The following PTPN6 variants were observed in gnomAD, a reference collection of about 807,000 sequenced individuals.
PTPN6 encodes protein tyrosine phosphatase non-receptor type 6.
Under a neutral mutation model 81.5 loss-of-function variants are expected in PTPN6, and 18 were observed. That is an observed-to-expected ratio of 0.22 (90% confidence interval 0.15 to 0.33). The LOEUF (loss-of-function observed/expected upper bound fraction) is 0.33. PTPN6 is among the 10% of genes least tolerant of loss of function. PTPN6 has a pLI of 1.00. For missense variants in PTPN6, 500 were observed against 794.2 expected (o/e 0.63, Z 4.45); for synonymous variants, 301 against 310.9 (o/e 0.97, Z 0.33).
In PTPN6 at chr12:6,960,354, G is replaced by T; in HGVS notation, c.1592G>T (p.Gly531Val). The T allele has an allele frequency of 6.2e-7, 1 of 1,613,432 alleles. No homozygotes were observed. The highest frequency in any genetic ancestry group is 1.1e-5 in the South Asian group (1 of 91,074). ...KKLEVLQSQK[G>V]QESEYGNITY... ...TCCCTCTGCCCACAGTCGCAGAAGG[G>T]CCAGGAGTCGGAGTACGGGAACATC... Residue 531 changes from glycine to valine, a missense_variant, in exon 14 of 16, where the codon GGC (glycine) becomes GTC (valine). This residue lies in a region of PTPN6 where 226 missense variants were observed against 364.4 expected (regional missense o/e 0.62). Coordinates refer to ENST00000318974, the MANE Select transcript of PTPN6 (RefSeq NM_002831.6). The surrounding 1 kb of genome is among the most constrained non-coding windows in gnomAD (Gnocchi z 6.1).
Position 6,951,826 on chromosome 12 carries a change from G to A in PTPN6, c.131+95G>A. 1 of 1,593,488 alleles carries A rather than the reference G, an allele frequency of 6.3e-7. No homozygotes were observed. The highest frequency in any genetic ancestry group is 2.1e-4 in the Middle Eastern group (1 of 4,842). On this transcript the variant is annotated intron_variant, in intron 2 of 15. Transcript: ENST00000318974. This position sits in a 1 kb window ranked among gnomAD's most constrained non-coding sequence, Gnocchi z 7.2. ...ATTCCTGGTTCCCCGTGGCAGTGCT[G>A]ACTCCCCGTCTGTTCCCTTGCCCCC...
In PTPN6 at chr12:6,961,307, G is replaced by GA. The variant is rs1426457963; in HGVS notation, c.*208dup. On this transcript the variant is annotated 3_prime_UTR_variant, in exon 16 of 16. Coordinates refer to ENST00000318974, the MANE Select transcript of PTPN6 (RefSeq NM_002831.6). The stretch of plus-strand genomic sequence containing the variant: ...TCTCCTCTTGTAAATAAAGCCCTGG[G>GA]ATCACTGTGTGTCGCCTCTGAGCCC... 2 of 305,634 alleles carry GA rather than the reference G, an allele frequency of 6.5e-6. No individual in the cohort carries two copies. The highest frequency in any genetic ancestry group is 4.3e-5 in the African/African-American group (2 of 46,432). The allele number at this position is 305,634 out of a possible 1,614,324, so 18.9% of individuals were successfully genotyped here. A position where few individuals can be genotyped will look rare whatever the true frequency, so the allele number is the denominator to read the frequency against.
upstream of PTPN6, among the ~76,000 whole-genome samples, chr12:6,948,119 C>CT (rs782163142): frequency 1.3e-5 from 2 of 151,572 alleles, no homozygotes; most frequent in Non-Finnish European, 2.9e-5. Context: ...GACCCCATCT[C>CT]TATTAAAAAA....
chr12:6,953,998 A>G (rs1430139983), intron 3 of PTPN6, among the ~76,000 whole-genome samples: 30 of 152,012 alleles, frequency 2.0e-4, no homozygotes, highest in Admixed American at 2.0e-3. Flanking sequence ...TGTTTTTTCC[A>G]TCACGTGGTT....
chr12:6,960,357 A>G lies in PTPN6; in HGVS notation c.1595A>G (p.Gln532Arg). 6.2e-7 allele frequency: 1 copy of G among 1,613,272 alleles called. No homozygotes were observed. Among genetic ancestry groups the G allele is most frequent in the East Asian group, 2.2e-5 (1 of 44,846 alleles). Residue 532 changes from glutamine (Q) to arginine (R), a missense_variant, in exon 14 of 16, where the codon CAG becomes CGG. Gln to Arg is a conservative substitution (Grantham distance 43). Around this residue, in one of 6 missense-constraint regions of PTPN6, gnomAD observed 226 missense variants for 364.4 expected, o/e 0.62. Transcript: ENST00000318974. The surrounding 1 kb of genome is among the most constrained non-coding windows in gnomAD (Gnocchi z 6.1). ...CTCTGCCCACAGTCGCAGAAGGGCC[A>G]GGAGTCGGAGTACGGGAACATCACC... ...KLEVLQSQKG[Q>R]ESEYGNITYP...
upstream of PTPN6, among the ~76,000 whole-genome samples, chr12:6,950,990 C>G (rs1035763994): frequency 3.3e-5 from 5 of 152,218 alleles, no homozygotes; most frequent in Non-Finnish European, 7.3e-5. Context: ...AGGACTCACT[C>G]GATGACAGTT....
Position 6,955,897 on chromosome 12 carries a change from G to C in PTPN6, c.844+141G>C. ...ACAGAGCCTCCCCCTTCTCCAAAAG[G>C]CCTCTACTCCTCCCAGAAGTGCCTC... On this transcript the variant is annotated intron_variant, in intron 7 of 15. Transcript: ENST00000318974. This position sits in a 1 kb window ranked among gnomAD's most constrained non-coding sequence, Gnocchi z 7.2. 1 of 889,268 alleles carries C rather than the reference G, an allele frequency of 1.1e-6. No homozygotes were observed. Among genetic ancestry groups the C allele is most frequent in the South Asian group, 1.4e-5 (1 of 70,094 alleles). 55.1% of individuals were successfully genotyped at this position (889,268 alleles called of 1,614,324 possible).
At chr12:6,958,311 A>G (rs985444776) in intron 11 of PTPN6, among the ~76,000 whole-genome samples, 27 of 152,222 alleles carry the variant, frequency 1.8e-4, no homozygotes, top group East Asian at 9.7e-4. Context: ...CGGATGTACC[A>G]TCTCGCCCAA....
chr12:6,957,306 TC>T lies in PTPN6; in HGVS notation c.1075-343del, dbSNP rs1565583349. Among the ~76,000 whole-genome samples, 1 of 152,152 alleles carries T rather than the reference TC, an allele frequency of 6.6e-6. No individual in the cohort carries two copies. The highest frequency in any genetic ancestry group is 2.4e-5 in the African/African-American group (1 of 41,422). On this transcript the variant is annotated intron_variant, in intron 9 of 15. Transcript: ENST00000318974. This position sits in a 1 kb window ranked among gnomAD's most constrained non-coding sequence, Gnocchi z 6.5. ...CAGCCACGCTCCTCAGCGCGGTGTC[TC>T]CCCCGGTCACCTGTCTCTGTGAGCT...
At position 6,960,531 on chromosome 12, in the gene PTPN6, G is replaced by A. The variant is rs369889610; in HGVS notation, c.1673+96G>A. 111 of 1,458,502 alleles carry A rather than the reference G, an allele frequency of 7.6e-5. 1 individual carries two copies. The South Asian group carries it at 1.0e-3, about 14-fold the overall frequency. The allele number at this position is 1,458,502 out of a possible 1,614,324, so 90.3% of individuals were successfully genotyped here. A position where few individuals can be genotyped will look rare whatever the true frequency, so the allele number is the denominator to read the frequency against. On this transcript the variant is annotated intron_variant, in intron 14 of 15. Transcript: ENST00000318974. The surrounding 1 kb of genome is among the most constrained non-coding windows in gnomAD (Gnocchi z 6.1). ...GAGAGGACAAGTGTTGCAGCTGGGG[G>A]GACCTGGCTTCAAGTTCAGGCTTGG...
Position 6,954,904 on chromosome 12 carries a change from T to G in PTPN6, c.426T>G (p.Pro142=). Residue 142 remains proline, a synonymous_variant, in exon 4 of 16, where the codon CCT becomes CCG. Transcript: ENST00000318974. The surrounding 1 kb of genome is among the most constrained non-coding windows in gnomAD (Gnocchi z 5.4). ...TFLVRESLSQ[P]GDFVLSVLSD... is the part of the protein sequence containing the mutation. ...TTGTGCGTGAGAGCCTCAGCCAGCCTGGAGACTTCGTGCTTTCTGTGCTCA... is the reference window on the plus strand; with the variant it reads ...TTGTGCGTGAGAGCCTCAGCCAGCCGGGAGACTTCGTGCTTTCTGTGCTCA... 6.2e-7 allele frequency: 1 copy of G among 1,614,222 alleles called. No individual in the cohort carries two copies. Among genetic ancestry groups the G allele is most frequent in the Admixed American group, 1.7e-5 (1 of 60,028 alleles).
At position 6,952,331 on chromosome 12, in the gene PTPN6, T is replaced by A; in HGVS notation, c.326+154T>A. On this transcript the variant is annotated intron_variant, in intron 3 of 15. Transcript: ENST00000318974. The surrounding 1 kb of genome is among the most constrained non-coding windows in gnomAD (Gnocchi z 8.1). ...TGGGGCTCTCAATGTCCCTCCTCCC[T>A]GCTGTCCTGGGACCTGGTGTCTCAG... is the stretch of plus-strand genomic sequence containing the variant. 1.2e-6 allele frequency: 1 copy of A among 862,754 alleles called. No individual in the cohort carries two copies. Among genetic ancestry groups the A allele is most frequent in the Non-Finnish European group, 1.8e-6 (1 of 544,450 alleles). 53.4% of individuals were successfully genotyped at this position (862,754 alleles called of 1,614,324 possible).
In PTPN6 at chr12:6,951,539, C is replaced by G. The variant is rs782087979; in HGVS notation, c.8+19C>G. The stretch of plus-strand genomic sequence containing the variant: ...TGGTGAGGTAAGGGCCTGCCACCCA[C>G]GGTAGACAGGAGGCAAGGGTGCCTG... On this transcript the variant is annotated intron_variant, in intron 1 of 15. Coordinates refer to ENST00000318974, the MANE Select transcript of PTPN6 (RefSeq NM_002831.6). This position sits in a 1 kb window ranked among gnomAD's most constrained non-coding sequence, Gnocchi z 7.2. The G allele has an allele frequency of 6.2e-7, 1 of 1,614,004 alleles. No homozygotes were observed. Among genetic ancestry groups the G allele is most frequent in the East Asian group, 2.2e-5 (1 of 44,874 alleles).
At position 6,957,800 on chromosome 12, in the gene PTPN6, C is replaced by G. The variant is rs782338490; in HGVS notation, c.1206+15C>G. 1 of 1,614,132 alleles carries G rather than the reference C, an allele frequency of 6.2e-7. No individual in the cohort carries two copies. On this transcript the variant is annotated intron_variant, in intron 10 of 15. Coordinates refer to ENST00000318974, the MANE Select transcript of PTPN6 (RefSeq NM_002831.6). The surrounding 1 kb of genome is among the most constrained non-coding windows in gnomAD (Gnocchi z 6.5). ...CGCTGGACAATGTGAGTGGCCCCCA[C>G]GCCCTGCCCCATTCCGGGAGTCCCT...
upstream of PTPN6, among the ~76,000 whole-genome samples, chr12:6,948,025 T>C (rs1370574829): frequency 3.3e-5 from 5 of 151,698 alleles, no homozygotes; most frequent in East Asian, 7.8e-4. Context: ...GTGGCGCACG[T>C]CTGTGATCCC....
In PTPN6 at chr12:6,960,824, T is replaced by G. The variant is rs1555149814; in HGVS notation, c.1692T>G (p.Tyr564Ter). Residue 564 changes from tyrosine (Y) to a stop codon, truncating the protein, a stop_gained, in exon 15 of 16, where the codon TAT (tyrosine) becomes TAG (stop). Transcript: ENST00000318974. LOFTEE classifies it high-confidence loss of function. The surrounding 1 kb of genome is among the most constrained non-coding windows in gnomAD (Gnocchi z 6.1). ...RTSSKHKEDV[Y>*]ENLHTKNKRE... ...GCTGCAGACACAAGGAGGATGTGTA[T>G]GAGAACCTGCACACTAAGAACAAGA... is the stretch of plus-strand genomic sequence containing the variant. 1 of 1,569,836 alleles carries G rather than the reference T, an allele frequency of 6.4e-7. No individual in the cohort carries two copies. Among genetic ancestry groups the G allele is most frequent in the Admixed American group, 1.9e-5 (1 of 53,228 alleles).
chr12:6,958,394 G>A (rs1946070848), intron 11 of PTPN6, among the ~76,000 whole-genome samples: 1 of 152,262 alleles, frequency 6.6e-6, no homozygotes, highest in South Asian at 2.1e-4. Flanking sequence ...GCAAGGCCGG[G>A]CAGGCACCCA....
At chr12:6,951,225 TCCCCACCCCCAGTGCC>T, upstream of PTPN6, 1 of 1,420,146 alleles carries the variant, frequency 7.0e-7, no homozygotes, top group African/African-American at 1.4e-5. This position sits in a 1 kb window ranked among gnomAD's most constrained non-coding sequence, Gnocchi z 7.2. Context: ...GTGGGCCCCG[TCCCCACCCCCAGTGCC>T]ACCCTGCTCT....
Position 6,956,396 on chromosome 12 carries a change from C to A in PTPN6, c.925-23C>A, listed in dbSNP as rs782161089. ...CCAAGGGGCTCACTGTCTTGGGGTGCGTCTCTCCACGCTTGCGTCCAGAAC... is the reference window on the plus strand; with the variant it reads ...CCAAGGGGCTCACTGTCTTGGGGTGAGTCTCTCCACGCTTGCGTCCAGAAC... On this transcript the variant is annotated intron_variant, in intron 8 of 15. Transcript: ENST00000318974. The surrounding 1 kb of genome is among the most constrained non-coding windows in gnomAD (Gnocchi z 4.1). 6.2e-7 allele frequency: 1 copy of A among 1,614,114 alleles called. No homozygotes were observed. The highest frequency in any genetic ancestry group is 8.5e-7 in the Non-Finnish European group (1 of 1,180,016).
Sources: gnomAD v4.1 joint callset for allele counts (sites outside exome capture counted in the v4.1 genomes callset) on GRCh38, gnomAD v4.1.1 for gene constraint, gnomAD v4.1.1 regional missense constraint, Gnocchi (gnomAD v3.1) non-coding constraint, MANE v1.5 for transcripts, NCBI Gene and HGNC (gene_info 2026-07-23, HGNC 2026-07-21) for gene names.